SLC22A23: variants seen among roughly 807,000 people sequenced by gnomAD.
SLC22A23 encodes the protein solute carrier family 22 member 23.
In SLC22A23, 26 loss-of-function variants were observed where a neutral mutation model predicts 61.0. The ratio of observed to expected loss-of-function variants is 0.43; its 90% CI spans 0.31 to 0.59. The LOEUF is 0.59. Among genes scored for constraint, SLC22A23 ranks in the 20% least tolerant of loss-of-function variants. The probability of loss-of-function intolerance (pLI) is 0.11; values close to 1 mark genes in which losing one functional copy is unlikely to be tolerated. For missense variants in SLC22A23, 796 were observed against 934.7 expected, an observed-to-expected ratio of 0.85 and a Z score of 1.94; for synonymous variants, 430 against 413.9, an observed-to-expected ratio of 1.04 and a Z score of -0.47.
At position 3,456,627 on chromosome 6, in the gene SLC22A23, C is replaced by A. The variant is rs1772423795; in HGVS notation, c.-68G>T. On this transcript the variant is annotated 5_prime_UTR_variant, in exon 1 of 10. Transcript: ENST00000406686. This position sits in a 1 kb window ranked among gnomAD's most constrained non-coding sequence, Gnocchi z 7.1. ...GGAGGCTCCGCGGGCGCCCCGGGCA[C>A]AGCGCGCCGGGCCAGGCGCCTGCAG... 1.1e-6 allele frequency: 1 copy of A among 947,740 alleles called. No individual in the cohort carries two copies. Among genetic ancestry groups the A allele is most frequent in the Non-Finnish European group, 1.3e-6 (1 of 798,474 alleles). The allele number at this position is 947,740 out of a possible 1,614,324, so 58.7% of individuals were successfully genotyped here.
intron 3 of SLC22A23, among the ~76,000 whole-genome samples, chr6:3,371,233 C>A (rs931231311): frequency 4.6e-5 from 7 of 152,234 alleles, no homozygotes; most frequent in Non-Finnish European, 7.3e-5. Flanking sequence ...TAGAAATCTG[C>A]AAACTTTTCC....
chr6:3,456,513 C>A lies in SLC22A23; in HGVS notation c.47G>T (p.Arg16Leu). 1.0e-6 allele frequency: 1 copy of A among 997,458 alleles called. No homozygotes were observed. The highest frequency in any genetic ancestry group is 4.5e-5 in the South Asian group (1 of 22,086). The allele number at this position is 997,458 out of a possible 1,614,324, so 61.8% of individuals were successfully genotyped here. The part of the protein sequence containing the change: ...RREAAGGGPG[R>L]QPAPAEENGS... Reference sequence around the variant, plus strand: ...GTTCTCCTCGGCCGGGGCCGGCTGCCGCCCAGGCCCGCCGCCCGCCGCCTC... The same window carrying A: ...GTTCTCCTCGGCCGGGGCCGGCTGCAGCCCAGGCCCGCCGCCCGCCGCCTC... Residue 16 changes from arginine (R) to leucine (L), a missense_variant, in exon 1 of 10, where the codon CGG becomes CTG. By Grantham distance (102) the Arg-to-Leu change is moderately radical. Transcript: ENST00000406686. This position sits in a 1 kb window ranked among gnomAD's most constrained non-coding sequence, Gnocchi z 7.1.
chr6:3,323,333 G>A (rs1213119617), intron 4 of SLC22A23: 11 of 456,446 alleles, frequency 2.4e-5, no homozygotes, highest in Non-Finnish European at 4.0e-5. Context: ...GTAAACACAC[G>A]AGCATGGCTG....
At chr6:3,361,811 G>A (rs1276646838) in intron 3 of SLC22A23, among the ~76,000 whole-genome samples, 1 of 152,232 alleles carries the variant, frequency 6.6e-6, no homozygotes, top group Non-Finnish European at 1.5e-5. Flanking sequence ...GGCCTCCACG[G>A]CTGGGACACC....
At position 3,297,007 on chromosome 6, in the gene SLC22A23, C is replaced by T. The variant is rs896687136; in HGVS notation, c.1210+1084G>A. Among the ~76,000 whole-genome samples, 11 of 152,322 alleles carry T rather than the reference C, an allele frequency of 7.2e-5. No homozygotes were observed. The South Asian group carries it at 1.0e-3, about 14-fold the overall frequency. On this transcript the variant is annotated intron_variant, in intron 5 of 9. Coordinates refer to ENST00000406686, the MANE Select transcript of SLC22A23 (RefSeq NM_015482.2). The surrounding 1 kb of genome is among the most constrained non-coding windows in gnomAD (Gnocchi z 4.3). Reference sequence around the variant, plus strand: ...ACCTGTGCCCCTGGAGCAAAGCTTCCGCAGCCACTCTGACTGTAGTCCCTC... The same window carrying T: ...ACCTGTGCCCCTGGAGCAAAGCTTCTGCAGCCACTCTGACTGTAGTCCCTC...
intron 1 of SLC22A23, among the ~76,000 whole-genome samples, chr6:3,429,831 C>T (rs1298096127): frequency 1.3e-5 from 2 of 152,066 alleles, no homozygotes; most frequent in African/African-American, 2.4e-5. Flanking sequence ...TCCACTGATA[C>T]GAGGTGCCTG....
rs1296607547 is a variant in SLC22A23 at position 3,335,600 on chromosome 6, G to A, written c.914-11598C>T. Among the ~76,000 whole-genome samples, 14 of 152,144 alleles carry A rather than the reference G, an allele frequency of 9.2e-5. No individual in the cohort carries two copies. The East Asian group carries it at 9.6e-4, about 10-fold the overall frequency. On this transcript the variant is annotated intron_variant, in intron 3 of 9. Transcript: ENST00000406686. ...CAGGTGACTCGACAGGTCACACTGC[G>A]TGTATCACATGCATGCCCTGCTGCA...
chr6:3,316,591 G>A (rs1274543124), intron 4 of SLC22A23, among the ~76,000 whole-genome samples: 2 of 152,218 alleles, frequency 1.3e-5, no homozygotes, highest in Admixed American at 1.3e-4. Flanking sequence ...TCACTGGGGA[G>A]CTTGTCGAAC....
At chr6:3,445,096 C>T (rs186563625) in intron 1 of SLC22A23, 113 of 443,960 alleles carry the variant, frequency 2.5e-4, no homozygotes, top group African/African-American at 1.7e-3. Flanking sequence ...CAGCACTGAC[C>T]GCATTCTACC....
Position 3,271,137 on chromosome 6 carries a change from G to A in SLC22A23, c.*1918C>T, listed in dbSNP as rs112670788. The A allele has an allele frequency of 1.6e-3, 238 of 152,560 alleles. 3 individuals carry two copies. The highest frequency in any genetic ancestry group is 5.5e-3 in the African/African-American group (227 of 41,588). 9.5% of individuals were successfully genotyped at this position (152,560 alleles called of 1,614,324 possible). On this transcript the variant is annotated 3_prime_UTR_variant, in exon 10 of 10. Coordinates refer to ENST00000406686, the MANE Select transcript of SLC22A23 (RefSeq NM_015482.2). ...AGGTAAAAGGAATTTCACAAGTTTGGCACGCAAAGGCTGCACAGATCTAAA... is the reference window on the plus strand; with the variant it reads ...AGGTAAAAGGAATTTCACAAGTTTGACACGCAAAGGCTGCACAGATCTAAA...
In SLC22A23 at chr6:3,387,959, G is replaced by A. The variant is rs558202851; in HGVS notation, c.913+22229C>T. Among the ~76,000 whole-genome samples the A allele has an allele frequency of 6.6e-6, 1 of 152,312 alleles. No individual in the cohort carries two copies. The highest frequency in any genetic ancestry group is 6.5e-5 in the Admixed American group (1 of 15,302). ...TTCGTGCTGTTCCTGCTGCCTGAAA[G>A]AGAAGCCCAACAAGTCCCCTCTGGC... On this transcript the variant is annotated intron_variant, in intron 3 of 9. Transcript: ENST00000406686. The surrounding 1 kb of genome is among the most constrained non-coding windows in gnomAD (Gnocchi z 5.0).
intron 1 of SLC22A23, among the ~76,000 whole-genome samples, chr6:3,453,333 A>G (rs192408708): frequency 7.3e-4 from 111 of 152,354 alleles, no homozygotes; most frequent in African/African-American, 2.6e-3. Context: ...GCCTTCCTGC[A>G]AGGAAAAGCA....
rs569780939 is a variant in SLC22A23, at chr6:3,355,524, G to C, written c.914-31522C>G. 1.3e-3 allele frequency among the ~76,000 whole-genome samples: 195 copies of C among 152,280 alleles called. 3 individuals carry two copies. Among genetic ancestry groups the C allele is most frequent in the African/African-American group, 4.6e-3 (191 of 41,546 alleles). On this transcript the variant is annotated intron_variant, in intron 3 of 9. Transcript: ENST00000406686. ...CTCTTACCATGTGTATAAGAGAACA[G>C]GACGTTGCTGGGCAGAGGGAAGTTA...
At chr6:3,400,643 G>C (rs1021176571) in intron 3 of SLC22A23, among the ~76,000 whole-genome samples, 4 of 152,224 alleles carry the variant, frequency 2.6e-5, no homozygotes, top group African/African-American at 9.6e-5. Context: ...GGTCACAACT[G>C]GCAAGTGGGG....
At position 3,386,911 on chromosome 6, in the gene SLC22A23, T is replaced by G. The variant is rs1474659208; in HGVS notation, c.913+23277A>C. ...CCCCAGGGTGCAGCAGGCCTTTCTCTGGTTCGTCACTCAGACCACCACTCC... is the reference window on the plus strand; with the variant it reads ...CCCCAGGGTGCAGCAGGCCTTTCTCGGGTTCGTCACTCAGACCACCACTCC... On this transcript the variant is annotated intron_variant, in intron 3 of 9. Transcript: ENST00000406686. The surrounding 1 kb of genome is among the most constrained non-coding windows in gnomAD (Gnocchi z 4.4). Among the ~76,000 whole-genome samples the G allele has an allele frequency of 1.3e-5, 2 of 152,236 alleles. No individual in the cohort carries two copies.
chr6:3,310,231 TGGAGCACCC>T (rs1762274585), intron 4 of SLC22A23, among the ~76,000 whole-genome samples: 1 of 146,126 alleles, frequency 6.8e-6, no homozygotes, highest in African/African-American at 2.8e-5. Flanking sequence ...TGTCTCCCAC[TGGAGCACCC>T]TGTCTCCCAG....
In SLC22A23 at chr6:3,372,741, T is replaced by C. The variant is rs1766306726; in HGVS notation, c.913+37447A>G. 6.6e-6 allele frequency among the ~76,000 whole-genome samples: 1 copy of C among 152,236 alleles called. No homozygotes were observed. The highest frequency in any genetic ancestry group is 2.4e-5 in the African/African-American group (1 of 41,466). Reference sequence around the variant, plus strand: ...ATGGAGCCTCAGGGTGCGCAAGTCCTAGGACAATCTAGGCCAACATTCTCT... The same window carrying C: ...ATGGAGCCTCAGGGTGCGCAAGTCCCAGGACAATCTAGGCCAACATTCTCT... On this transcript the variant is annotated intron_variant, in intron 3 of 9. Transcript: ENST00000406686. The surrounding 1 kb of genome is among the most constrained non-coding windows in gnomAD (Gnocchi z 4.7).
At chr6:3,394,636 C>G (rs12195149) in intron 3 of SLC22A23, among the ~76,000 whole-genome samples, 15,160 of 152,206 alleles carry the variant, frequency 0.1, 853 homozygotes, top group Middle Eastern at 0.14. Context: ...GAGTGATCCC[C>G]CCCAAACACA....
rs1316148092 is a variant in SLC22A23, at chr6:3,323,767, CG to C, written c.1082+66del. ...AAGTGTGGGGATTGTGTGTCCTGCC[CG>C]GGGCCGGGCCTTCAGGAAGCATGTG... On this transcript the variant is annotated intron_variant, in intron 4 of 9. Coordinates refer to ENST00000406686, the MANE Select transcript of SLC22A23 (RefSeq NM_015482.2). 3.3e-6 allele frequency: 5 copies of C among 1,521,146 alleles called. No homozygotes were observed. The African/African-American group carries it at 5.5e-5, about 17-fold the overall frequency. 94.2% of individuals were successfully genotyped at this position (1,521,146 alleles called of 1,614,324 possible).
Sources: gnomAD v4.1 joint callset for allele counts (sites outside exome capture counted in the v4.1 genomes callset) on GRCh38, gnomAD v4.1.1 for gene constraint, Gnocchi (gnomAD v3.1) non-coding constraint, MANE v1.5 for transcripts, NCBI Gene and HGNC (gene_info 2026-07-23, HGNC 2026-07-21) for gene names.